Variants in AFF1 observed in about 807,000 individuals in gnomAD.
AFF1 encodes the protein AF4/FMR2 family member 1.
In AFF1, 48 loss-of-function variants were observed where a neutral mutation model predicts 121.7. The ratio of observed to expected loss-of-function variants is 0.39; its 90% confidence interval spans 0.31 to 0.50. The LOEUF (loss-of-function observed/expected upper bound fraction) is 0.50. Ranked by LOEUF, AFF1 falls within the 20% of genes least tolerant of loss-of-function variation. The pLI is 0.76. For missense variants in AFF1, 1,523 were observed against 1,511.7 expected (o/e 1.01, Z -0.12); for synonymous variants, 613 against 563.0 (o/e 1.09, Z -1.26).
intron 2 of AFF1, among the ~76,000 whole-genome samples, chr4:86,957,371 G>A (rs1239665033): frequency 1.3e-5 from 2 of 152,120 alleles, no homozygotes; most frequent in Non-Finnish European, 2.9e-5. Flanking sequence ...TGCAGAAGCT[G>A]GGGAACCATT....
intron 4 of AFF1, among the ~76,000 whole-genome samples, chr4:87,075,883 A>C (rs1722621330): frequency 1.3e-5 from 2 of 152,170 alleles, no homozygotes; most frequent in African/African-American, 4.8e-5. Flanking sequence ...TGGTTATCTT[A>C]TGTATCTGAA....
At chr4:87,088,108 A>G (rs1723918456) in intron 5 of AFF1, among the ~76,000 whole-genome samples, 1 of 152,210 alleles carries the variant, frequency 6.6e-6, no homozygotes, top group Non-Finnish European at 1.5e-5. Context: ...CTTAGTGAGC[A>G]TTGAGGATTA....
intron 1 of AFF1, 131 bp from the exon 2 acceptor site, chr4:86,948,367 T>G: frequency 1.7e-6 from 1 of 589,306 alleles, no homozygotes; most frequent in Non-Finnish European, 2.9e-6. Flanking sequence ...AACTTGGGAA[T>G]TGGAGAACCA....
intron 2 of AFF1, among the ~76,000 whole-genome samples, chr4:87,026,514 G>A (rs1728551534): frequency 6.6e-6 from 1 of 152,162 alleles, no homozygotes; most frequent in Non-Finnish European, 1.5e-5. Context: ...GCAGGAGACT[G>A]ACAAACAGCA....
At chr4:87,048,279 A>G (rs1730927495) in intron 4 of AFF1, among the ~76,000 whole-genome samples, 1 of 152,222 alleles carries the variant, frequency 6.6e-6, no homozygotes, top group African/African-American at 2.4e-5. Flanking sequence ...ATGTTATTCA[A>G]TTATGGGTTT....
intron 8 of AFF1, among the ~76,000 whole-genome samples, chr4:87,103,928 A>C (rs541563382): frequency 6.6e-6 from 1 of 152,322 alleles, no homozygotes; most frequent in South Asian, 2.1e-4. Flanking sequence ...ACACTTTGCC[A>C]GATTTTTTTC....
chr4:87,078,991 T>G (rs1038625651), intron 4 of AFF1, among the ~76,000 whole-genome samples: 2 of 152,154 alleles, frequency 1.3e-5, no homozygotes, highest in African/African-American at 4.8e-5. Context: ...GAGAAGTGGT[T>G]AGGTTTGGTA....
chr4:87,114,951 G>T lies in AFF1; in HGVS notation c.2118G>T (p.Glu706Asp). ...ACAATGTGGAGGACAGGACCCCTGA[G>T]CACTTTGCTCTTGTTCCCCTGACTG... ...AKDNVEDRTP[E>D]HFALVPLTES... The change falls in exon 12 of 21, where the codon GAG becomes GAT. Residue 706 changes from glutamate (E) to aspartate (D), a missense_variant. This residue lies in a region of AFF1 where 905 missense variants were observed against 842.5 expected (regional missense o/e 1.07). Coordinates refer to ENST00000395146, the MANE Select transcript of AFF1 (RefSeq NM_001166693.3). 1 of 1,613,082 alleles carries T rather than the reference G, an allele frequency of 6.2e-7. No individual in the cohort carries two copies. The highest frequency in any genetic ancestry group is 8.5e-7 in the Non-Finnish European group (1 of 1,179,472).
chr4:87,060,637 G>A (rs1257123848), intron 4 of AFF1, among the ~76,000 whole-genome samples: 3 of 151,766 alleles, frequency 2.0e-5, no homozygotes, highest in African/African-American at 7.3e-5. Flanking sequence ...TCAGGAGTTC[G>A]AGACCAGCCT....
chr4:86,963,048 C>T (rs957394608), intron 2 of AFF1, among the ~76,000 whole-genome samples: 6 of 151,464 alleles, frequency 4.0e-5, no homozygotes, highest in Admixed American at 4.0e-4. Flanking sequence ...CACCTGTAAT[C>T]CCAGCTACTT....
chr4:86,964,726 G>T (rs1034038631), intron 2 of AFF1, among the ~76,000 whole-genome samples: 6 of 152,156 alleles, frequency 3.9e-5, no homozygotes, highest in African/African-American at 1.4e-4. Flanking sequence ...GAGCCACTGC[G>T]CCCGGCTGTT....
chr4:87,101,399 C>A (rs1725418545), intron 8 of AFF1, among the ~76,000 whole-genome samples: 1 of 152,058 alleles, frequency 6.6e-6, no homozygotes, highest in African/African-American at 2.4e-5. Context: ...ATAGTAAGAC[C>A]TCGTCTCTAC....
intron 12 of AFF1, among the ~76,000 whole-genome samples, chr4:87,120,349 A>T (rs1174842056): frequency 6.6e-6 from 1 of 152,164 alleles, no homozygotes; most frequent in African/African-American, 2.4e-5. Flanking sequence ...TCTGTGTTGC[A>T]TGTGCTACCA....
At chr4:87,039,963 G>A (rs1729958187) in intron 2 of AFF1, among the ~76,000 whole-genome samples, 1 of 152,034 alleles carries the variant, frequency 6.6e-6, no homozygotes, top group Non-Finnish European at 1.5e-5. Context: ...GTGCAGTGGC[G>A]CGATCTCGGC....
At chr4:87,063,060 A>G (rs890253934) in intron 4 of AFF1, among the ~76,000 whole-genome samples, 4 of 152,122 alleles carry the variant, frequency 2.6e-5, no homozygotes, top group East Asian at 1.9e-4. Context: ...TAAAATAGCA[A>G]TGGTAGACAG....
At position 87,035,415 on chromosome 4, in the gene AFF1, G is replaced by C. The variant is rs531957328; in HGVS notation, c.39-10751G>C. On this transcript the variant is annotated intron_variant, in intron 2 of 20. Transcript: ENST00000395146. The stretch of plus-strand genomic sequence containing the variant: ...TCTCTACTAAAAATAAAAAAAATTA[G>C]CTGGGTGTGGTGGCGGGCGCCTGTA... Among the ~76,000 whole-genome samples, 5 of 152,244 alleles carry C rather than the reference G, an allele frequency of 3.3e-5. No individual in the cohort carries two copies. In the South Asian group the frequency reaches 1.0e-3, roughly 32 times the overall value.
At chr4:87,095,499 A>G (rs1724741935) in intron 8 of AFF1, among the ~76,000 whole-genome samples, 1 of 152,182 alleles carries the variant, frequency 6.6e-6, no homozygotes, top group Non-Finnish European at 1.5e-5. Flanking sequence ...AGGGGGAAAA[A>G]GGGTTTTTGA....
intron 12 of AFF1, among the ~76,000 whole-genome samples, chr4:87,122,254 G>T (rs1727766081): frequency 6.6e-6 from 1 of 152,218 alleles, no homozygotes; most frequent in African/African-American, 2.4e-5. Context: ...GGGCCGTTTG[G>T]TAACAGGGTA....
intron 8 of AFF1, among the ~76,000 whole-genome samples, chr4:87,100,506 C>A (rs1203379793): frequency 1.3e-5 from 2 of 152,026 alleles, no homozygotes; most frequent in Non-Finnish European, 2.9e-5. Flanking sequence ...CCCTAACTAC[C>A]CTGTATAAAA....
Sources: gnomAD v4.1 joint callset for allele counts (sites outside exome capture counted in the v4.1 genomes callset) on GRCh38, gnomAD v4.1.1 for gene constraint, gnomAD v4.1.1 regional missense constraint, MANE v1.5 for transcripts, NCBI Gene and HGNC (gene_info 2026-07-23, HGNC 2026-07-21) for gene names.